WFS1: variants seen among roughly 807,000 people sequenced by gnomAD.
The protein encoded by WFS1 is wolframin.
Under a neutral mutation model 68.5 loss-of-function variants are expected in WFS1, and 90 were observed. That is an observed-to-expected ratio of 1.31 (90% CI 1.11 to 1.56). WFS1 has a LOEUF of 1.56. Ranked by LOEUF, WFS1 falls within the 40% of genes most tolerant of loss-of-function variation. WFS1 has a pLI of 0.00. For missense variants in WFS1, 1,767 were observed against 1,232.6 expected, an observed-to-expected ratio of 1.43 and a Z score of -6.49; for synonymous variants, 860 against 540.7, an observed-to-expected ratio of 1.59 and a Z score of -8.19.
intron 1 of WFS1, among the ~76,000 whole-genome samples, chr4:6,272,052 C>T (rs1729858235): frequency 1.3e-5 from 2 of 152,246 alleles, no homozygotes; most frequent in Admixed American, 1.3e-4. Flanking sequence ...CTCCTGCCTG[C>T]TTGTCCAGAA....
In WFS1 at chr4:6,289,110, C is replaced by A; in HGVS notation, c.439C>A (p.Arg147=). The A allele has an allele frequency of 6.3e-7, 1 of 1,577,820 alleles. No individual in the cohort carries two copies. The highest frequency in any genetic ancestry group is 8.6e-7 in the Non-Finnish European group (1 of 1,162,234). Residue 147 remains arginine, a synonymous_variant, in exon 4 of 8, where the codon CGG becomes AGG. Coordinates refer to ENST00000226760, the MANE Select transcript of WFS1 (RefSeq NM_006005.3). ...GRREAVKLLR[R]CLADRRGITS... ...TCGCGAGGCTGTGAAGCTGCTTCGC[C>A]GGTGCTTGGCGGACAGAAGAGGTGG... is the stretch of plus-strand genomic sequence containing the variant.
chr4:6,290,658 G>GTTT (rs1730434806), intron 4 of WFS1, among the ~76,000 whole-genome samples: 2 of 152,206 alleles, frequency 1.3e-5, no homozygotes, highest in Non-Finnish European at 2.9e-5. Flanking sequence ...GGCCGTTGGG[G>GTTT]GTAAAGGGAG....
rs138771366 is a variant in WFS1, at chr4:6,301,092, G to A, written c.1297G>A (p.Ala433Thr). ...SKDCIPCSEL[A>T]VITGFFTVTS... ...GGACTGCATCCCCTGCTCGGAGCTGGCTGTCATCACCGGCTTCTTTACCGT... is the reference window on the plus strand; with the variant it reads ...GGACTGCATCCCCTGCTCGGAGCTGACTGTCATCACCGGCTTCTTTACCGT... The change falls in exon 8 of 8, where the codon GCT (alanine) becomes ACT (threonine). Residue 433 changes from alanine to threonine, a missense_variant. Transcript: ENST00000226760. 267 of 1,613,806 alleles carry A rather than the reference G, an allele frequency of 1.7e-4. No homozygotes were observed. The highest frequency in any genetic ancestry group is 2.2e-4 in the Non-Finnish European group (264 of 1,180,036).
In WFS1 at chr4:6,287,775, G is replaced by T. The variant is rs1428262540; in HGVS notation, c.315+600G>T. Among the ~76,000 whole-genome samples the T allele has an allele frequency of 2.6e-5, 4 of 152,120 alleles. No homozygotes were observed. Among genetic ancestry groups the T allele is most frequent in the African/African-American group, 9.7e-5 (4 of 41,418 alleles). On this transcript the variant is annotated intron_variant, in intron 3 of 7. Coordinates refer to ENST00000226760, the MANE Select transcript of WFS1 (RefSeq NM_006005.3). The surrounding 1 kb of genome is among the most constrained non-coding windows in gnomAD (Gnocchi z 6.4). ...AACGCTGAGACGGGAGGTGGCAGGGGGTCCTGTGTCCTCTGTGGAGGCAAG... is the reference window on the plus strand; with the variant it reads ...AACGCTGAGACGGGAGGTGGCAGGGTGTCCTGTGTCCTCTGTGGAGGCAAG...
At chr4:6,295,292 C>T in intron 7 of WFS1, 103 bp downstream of exon 7, 3 of 1,445,860 alleles carry the variant, frequency 2.1e-6, no homozygotes, top group Non-Finnish European at 1.9e-6. Context: ...AGGTTCGCGC[C>T]TAACAAAGAG....
chr4:6,294,989 G>T, intron 6 of WFS1, 52 bp from the exon 7 acceptor site: 1 of 1,612,242 alleles, frequency 6.2e-7, no homozygotes. Flanking sequence ...GTGTGAGGGT[G>T]GCAGTGGGGC....
At chr4:6,293,157 C>G (rs1453282455) in intron 6 of WFS1, among the ~76,000 whole-genome samples, 1 of 152,192 alleles carries the variant, frequency 6.6e-6, no homozygotes, top group Non-Finnish European at 1.5e-5. Flanking sequence ...GCAGCCCAGC[C>G]TGGGTCTCCA....
chr4:6,301,536 G>T lies in WFS1; in HGVS notation c.1741G>T (p.Gly581Cys), dbSNP rs762207573. The change falls in exon 8 of 8, where the codon GGC becomes TGC. Residue 581 changes from glycine to cysteine, a missense_variant. By Grantham distance (159) the Gly-to-Cys change is radical. Coordinates refer to ENST00000226760, the MANE Select transcript of WFS1 (RefSeq NM_006005.3). ...CCTGGTGGCCGGCCTGGCCCTGGTG[G>T]GCGTGCTGCAGTTCGCCCGGTGGTT... Reference protein sequence around the residue: ...PILVAGLALVGVLQFARWFTS... With the variant: ...PILVAGLALVCVLQFARWFTS... The T allele has an allele frequency of 9.9e-6, 16 of 1,613,878 alleles. No homozygotes were observed. Among genetic ancestry groups the T allele is most frequent in the Admixed American group, 3.3e-5 (2 of 60,010 alleles).
Position 6,302,304 on chromosome 4 carries a change from T to C in WFS1, c.2509T>C (p.Trp837Arg). The C allele has an allele frequency of 6.2e-7, 1 of 1,609,240 alleles. No homozygotes were observed. The highest frequency in any genetic ancestry group is 8.5e-7 in the Non-Finnish European group (1 of 1,177,416). ...TILEGRLGSK[W>R]PVFELKAISC... Reference sequence around the variant, plus strand: ...CCTGGAGGGCCGCCTGGGCAGCAAGTGGCCTGTCTTCGAGCTCAAGGCCAT... The same window carrying C: ...CCTGGAGGGCCGCCTGGGCAGCAAGCGGCCTGTCTTCGAGCTCAAGGCCAT... The change falls in exon 8 of 8, where the codon TGG (tryptophan) becomes CGG (arginine). Residue 837 changes from tryptophan (W) to arginine (R), a missense_variant. Trp to Arg is a moderately radical substitution (Grantham distance 101, BLOSUM62 -3). Transcript: ENST00000226760.
intron 1 of WFS1, among the ~76,000 whole-genome samples, chr4:6,273,660 C>T (rs1372156430): frequency 2.0e-5 from 3 of 152,252 alleles, no homozygotes; most frequent in African/African-American, 7.2e-5. Flanking sequence ...TCAGGGCTCA[C>T]AGTGGCTGTA....
In WFS1 at chr4:6,302,009, C is replaced by T. The variant is rs1730950777; in HGVS notation, c.2214C>T (p.Ala738=). The stretch of plus-strand genomic sequence containing the variant: ...GGATGCGCTGCCTCTACGGCGAGGC[C>T]TACCCTGCCTGCAGCCCTGGCAACA... ...GDWMRCLYGE[A]YPACSPGNTS... is the part of the protein sequence containing the mutation. The change falls in exon 8 of 8, where the codon GCC becomes GCT. Residue 738 remains alanine, a synonymous_variant. Transcript: ENST00000226760. 2 of 1,612,738 alleles carry T rather than the reference C, an allele frequency of 1.2e-6. No individual in the cohort carries two copies. Among genetic ancestry groups the T allele is most frequent in the Non-Finnish European group, 1.7e-6 (2 of 1,179,928 alleles).
chr4:6,293,032 G>A (rs12649341), intron 6 of WFS1, among the ~76,000 whole-genome samples: 97,281 of 152,084 alleles, frequency 0.64, 31,709 homozygotes, highest in East Asian at 0.93. Context: ...TCACATGGAA[G>A]TGGGAAGAAA....
chr4:6,300,730 T>G lies in WFS1; in HGVS notation c.935T>G (p.Met312Arg). The change falls in exon 8 of 8, where the codon ATG becomes AGG. Residue 312 changes from methionine to arginine, a missense_variant. By Grantham distance (91) the Met-to-Arg change is moderately conservative. Transcript: ENST00000226760. ...ATTGACATGGCCTCCAGGGCAGGCA[T>G]GCACTGGCTGTCCACCATCATCCCC... ...YLIDMASRAGMHWLSTIIPTH... is the reference protein window; with the variant it reads ...YLIDMASRAGRHWLSTIIPTH... The G allele has an allele frequency of 1.2e-6, 2 of 1,614,028 alleles. No homozygotes were observed. The highest frequency in any genetic ancestry group is 1.7e-6 in the Non-Finnish European group (2 of 1,179,986).
Position 6,301,601 on chromosome 4 carries a change from G to C in WFS1, c.1806G>C (p.Ala602=), listed in dbSNP as rs142295878. 1.5e-5 allele frequency: 25 copies of C among 1,614,006 alleles called. No individual in the cohort carries two copies. Among genetic ancestry groups the C allele is most frequent in the Non-Finnish European group, 1.9e-5 (23 of 1,180,028 alleles). ...LELTKIAVTV[A]VCSVPLLLRW... is the part of the protein sequence containing the mutation. Reference sequence around the variant, plus strand: ...TCACCAAGATCGCAGTCACCGTGGCGGTCTGTAGTGTGCCCCTGCTGTTGC... The same window carrying C: ...TCACCAAGATCGCAGTCACCGTGGCCGTCTGTAGTGTGCCCCTGCTGTTGC... The change falls in exon 8 of 8, where the codon GCG becomes GCC. Residue 602 remains alanine (A), a synonymous_variant. Coordinates refer to ENST00000226760, the MANE Select transcript of WFS1 (RefSeq NM_006005.3).
chr4:6,292,324 CG>C (rs751950158), intron 6 of WFS1, among the ~76,000 whole-genome samples: 9 of 150,148 alleles, frequency 6.0e-5, no homozygotes, highest in East Asian at 2.0e-4. Context: ...TGGGGACTGG[CG>C]GGGGGGTCCT....
chr4:6,288,108 T>C (rs187865088), intron 3 of WFS1, among the ~76,000 whole-genome samples: 202 of 151,986 alleles, frequency 1.3e-3, no homozygotes, highest in Non-Finnish European at 2.2e-3. Context: ...TCCCAGCTAC[T>C]TGGGAGGCTG....
chr4:6,290,439 G>C (rs1730429342), intron 4 of WFS1, among the ~76,000 whole-genome samples: 1 of 152,274 alleles, frequency 6.6e-6, no homozygotes, highest in Non-Finnish European at 1.5e-5. Context: ...GGATAGCCCA[G>C]AGGCTGCTGG....
In WFS1 at chr4:6,301,502, C is replaced by T. The variant is rs1483862131; in HGVS notation, c.1707C>T (p.Ala569=). 19 of 1,613,432 alleles carry T rather than the reference C, an allele frequency of 1.2e-5. No individual in the cohort carries two copies. The highest frequency in any genetic ancestry group is 1.6e-4 in the Middle Eastern group (1 of 6,084). The change falls in exon 8 of 8, where the codon GCC becomes GCT. Residue 569 remains alanine, a synonymous_variant. Coordinates refer to ENST00000226760, the MANE Select transcript of WFS1 (RefSeq NM_006005.3). ...ASIGYFLFLF[A]LPILVAGLAL... ...TCGGCTACTTCCTCTTCCTCTTTGC[C>T]CTCCCCATCCTGGTGGCCGGCCTGG...
chr4:6,272,530 G>A (rs1729870458), intron 1 of WFS1, among the ~76,000 whole-genome samples: 1 of 152,138 alleles, frequency 6.6e-6, no homozygotes, highest in Non-Finnish European at 1.5e-5. Context: ...AGGGGGCTGG[G>A]TCAGGCCAGG....
Sources: allele counts gnomAD v4.1 joint callset (sites outside exome capture counted in the v4.1 genomes callset), GRCh38; gene constraint gnomAD v4.1.1; non-coding constraint Gnocchi (gnomAD v3.1); transcripts MANE v1.5; gene names NCBI Gene and HGNC (gene_info 2026-07-23, HGNC 2026-07-21).